The following EXOC4 variants were observed in gnomAD, a reference collection of about 807,000 sequenced individuals.
EXOC4 encodes the protein SEC8-like 1.
In EXOC4, 71 loss-of-function variants were observed where a neutral mutation model predicts 107.2. That is an observed-to-expected ratio of 0.66 (90% CI 0.55 to 0.81). The LOEUF is 0.81. Ranked by LOEUF, EXOC4 falls within the 30% of genes least tolerant of loss-of-function variation. EXOC4 has a pLI of 0.00. For missense variants in EXOC4, 1,108 were observed against 1,189.6 expected (o/e 0.93, Z 1.01); for synonymous variants, 456 against 441.2 (o/e 1.03, Z -0.42).
At position 133,846,937 on chromosome 7, in the gene EXOC4, A is replaced by G. The variant is rs570179472; in HGVS notation, c.1734+29393A>G. Among the ~76,000 whole-genome samples, 248 of 152,374 alleles carry G rather than the reference A, an allele frequency of 1.6e-3. 1 individual carries two copies. Among genetic ancestry groups the G allele is most frequent in the African/African-American group, 5.7e-3 (239 of 41,588 alleles). On this transcript the variant is annotated intron_variant, in intron 11 of 17. Coordinates refer to ENST00000253861, the MANE Select transcript of EXOC4 (RefSeq NM_021807.4). ...GTATGTATTTGTAAAGTTCACGGTAATAGCACTTGCCATGCCTTCCTTAGA... is the reference window on the plus strand; with the variant it reads ...GTATGTATTTGTAAAGTTCACGGTAGTAGCACTTGCCATGCCTTCCTTAGA...
chr7:134,066,911 G>A (rs112462505), downstream of EXOC4, among the ~76,000 whole-genome samples: 4,562 of 152,154 alleles, frequency 0.03, 200 homozygotes, highest in African/African-American at 0.095. Context: ...CCAGCACTTT[G>A]GGAGGCTGAG....
chr7:133,960,127 ATC>A, intron 14 of EXOC4, among the ~76,000 whole-genome samples: 1 of 152,186 alleles, frequency 6.6e-6, no homozygotes, highest in East Asian at 1.9e-4. Flanking sequence ...GGAATAGCTG[ATC>A]TCTCAGGAGA....
intron 6 of EXOC4, among the ~76,000 whole-genome samples, chr7:133,373,735 A>C (rs1240669429): frequency 6.6e-6 from 1 of 152,246 alleles, no homozygotes; most frequent in Non-Finnish European, 1.5e-5. Flanking sequence ...TATACAATAA[A>C]GCTCACATTG....
intron 10 of EXOC4, among the ~76,000 whole-genome samples, chr7:133,755,568 T>G (rs1004662501): frequency 2.0e-5 from 3 of 151,468 alleles, no homozygotes; most frequent in Admixed American, 6.6e-5. Flanking sequence ...GTTCTCGATA[T>G]CCTGACCTCG....
the EXOC4 span, among the ~76,000 whole-genome samples, chr7:134,095,514 A>T: frequency 2.1e-3 from 314 of 152,230 alleles, no homozygotes; most frequent in Middle Eastern, 0.01. Context: ...AGTAGCCAAA[A>T]CAATCCTAAG....
At chr7:133,770,978 A>G (rs1267298529) in intron 10 of EXOC4, among the ~76,000 whole-genome samples, 1 of 151,974 alleles carries the variant, frequency 6.6e-6, no homozygotes, top group South Asian at 2.1e-4. Context: ...GTGGCCATAC[A>G]TGAATGGACA....
intron 10 of EXOC4, among the ~76,000 whole-genome samples, chr7:133,654,956 T>C (rs1243320897): frequency 6.6e-6 from 1 of 152,042 alleles, no homozygotes; most frequent in Admixed American, 6.6e-5. Flanking sequence ...ATGTAAAAAA[T>C]AATGCAGCTG....
intron 17 of EXOC4, chr7:134,009,931 T>A (rs1462263720): frequency 6.6e-6 from 1 of 152,176 alleles, no homozygotes; most frequent in East Asian, 1.9e-4. Context: ...GATGAAGCAT[T>A]TCTTCAGGAA....
Position 133,356,362 on chromosome 7 carries a change from G to A in EXOC4, c.796G>A (p.Asp266Asn), listed in dbSNP as rs149578002. 1.9e-6 allele frequency: 3 copies of A among 1,614,068 alleles called. No individual in the cohort carries two copies. In the African/African-American group the frequency reaches 4.0e-5, roughly 22 times the overall value. Residue 266 changes from aspartate (D) to asparagine (N), a missense_variant, in exon 6 of 18, where the codon GAT becomes AAT. Asp to Asn is a conservative substitution (Grantham distance 23). Transcript: ENST00000253861. Reference protein sequence around the residue: ...REINLQDIKEDLELDPEENST... With the variant: ...REINLQDIKENLELDPEENST... ...GATAAATCTGCAGGACATCAAGGAA[G>A]ATTTAGAATTGGATCCAGAGGAAAA... is the stretch of plus-strand genomic sequence containing the variant.
Position 133,464,934 on chromosome 7 carries a change from G to A in EXOC4, c.1183-10394G>A, listed in dbSNP as rs530376577. Among the ~76,000 whole-genome samples the A allele has an allele frequency of 4.7e-5, 7 of 149,482 alleles. No individual in the cohort carries two copies. The South Asian group carries it at 1.5e-3, about 33-fold the overall frequency. The stretch of plus-strand genomic sequence containing the variant: ...TCCTGGGCTCAAGGGATCTTCCTAG[G>A]TCAGCCTCCCAAGAGGCTGGGACTA... On this transcript the variant is annotated intron_variant, in intron 7 of 17. Coordinates refer to ENST00000253861, the MANE Select transcript of EXOC4 (RefSeq NM_021807.4).
At chr7:133,625,372 A>T (rs1802429076) in intron 9 of EXOC4, among the ~76,000 whole-genome samples, 1 of 152,244 alleles carries the variant, frequency 6.6e-6, no homozygotes, top group Non-Finnish European at 1.5e-5. Context: ...TGACGCTCAG[A>T]GAATTTAAAT....
chr7:133,798,945 C>A (rs1342588713), intron 10 of EXOC4, among the ~76,000 whole-genome samples: 1 of 152,040 alleles, frequency 6.6e-6, no homozygotes, highest in African/African-American at 2.4e-5. Flanking sequence ...AGCTAAGGAA[C>A]AGAGAGAGAT....
chr7:133,288,838 T>C (rs1794339272), intron 2 of EXOC4, 84 bp from the exon 3 acceptor site: 6 of 1,101,686 alleles, frequency 5.4e-6, no homozygotes, highest in Non-Finnish European at 8.0e-6. Context: ...CATACAGTAG[T>C]ACCAGTGAAG....
chr7:133,838,094 G>A (rs1352210162), intron 11 of EXOC4, among the ~76,000 whole-genome samples: 1 of 152,032 alleles, frequency 6.6e-6, no homozygotes, highest in African/African-American at 2.4e-5. Context: ...TGCCTTATTG[G>A]AAAAACAATT....
At chr7:133,537,300 C>CA (rs1041336843) in intron 9 of EXOC4, among the ~76,000 whole-genome samples, 3 of 148,278 alleles carry the variant, frequency 2.0e-5, no homozygotes, top group Non-Finnish European at 4.5e-5. Context: ...ACAGGCACCC[C>CA]CCCCCCCACC....
intron 7 of EXOC4, among the ~76,000 whole-genome samples, chr7:133,391,001 C>T (rs1433613403): frequency 6.6e-6 from 1 of 152,158 alleles, no homozygotes; most frequent in Non-Finnish European, 1.5e-5. Context: ...TTTTTATCCT[C>T]AGTAAGATTA....
chr7:133,307,645 A>C (rs1191226876), intron 4 of EXOC4, among the ~76,000 whole-genome samples: 2 of 152,222 alleles, frequency 1.3e-5, no homozygotes, highest in African/African-American at 4.8e-5. Context: ...ATAATCACTC[A>C]TTTCCCTTCT....
chr7:134,070,750 A>G (rs930351832), downstream of EXOC4, among the ~76,000 whole-genome samples: 1 of 151,522 alleles, frequency 6.6e-6, no homozygotes, highest in Admixed American at 6.6e-5. Flanking sequence ...ATTAAGATGT[A>G]TGTGACCACT....
At chr7:133,897,485 CTT>C (rs1799346888) in intron 12 of EXOC4, among the ~76,000 whole-genome samples, 1 of 151,972 alleles carries the variant, frequency 6.6e-6, no homozygotes, top group South Asian at 2.1e-4. Flanking sequence ...TACAGATAGT[CTT>C]TTGTAAAAAG....
Sources: allele counts gnomAD v4.1 joint callset (sites outside exome capture counted in the v4.1 genomes callset), GRCh38; gene constraint gnomAD v4.1.1; transcripts MANE v1.5; gene names NCBI Gene and HGNC (gene_info 2026-07-23, HGNC 2026-07-21).